The following PDK4 variants were observed in gnomAD, a reference collection of about 807,000 sequenced individuals.
PDK4 encodes the protein pyruvate dehydrogenase kinase 4.
A neutral mutation model predicts 51.7 loss-of-function variants in PDK4; 43 were observed. That is an observed-to-expected ratio of 0.83 (90% CI 0.65 to 1.07). PDK4 has a LOEUF of 1.07. Among genes scored for constraint, PDK4 ranks in the 50% least tolerant of loss-of-function variants. PDK4 has a pLI of 0.00. For missense variants in PDK4, 498 were observed against 503.5 expected, an observed-to-expected ratio of 0.99 and a Z score of 0.10; for synonymous variants, 170 against 176.6, an observed-to-expected ratio of 0.96 and a Z score of 0.30.
chr7:95,595,762 A>G (rs996147683), intron 1 of PDK4, among the ~76,000 whole-genome samples: 2 of 152,252 alleles, frequency 1.3e-5, no homozygotes, highest in African/African-American at 4.8e-5. Flanking sequence ...TGGCTAAGGA[A>G]TAAAATCTGT....
chr7:95,592,764 C>T lies in PDK4; in HGVS notation c.525G>A (p.Gln175=). The change falls in exon 4 of 11, where the codon CAG becomes CAA. Residue 175 remains glutamine (Q), a synonymous_variant. Coordinates refer to ENST00000005178, the MANE Select transcript of PDK4 (RefSeq NM_002612.4). Reference sequence around the variant, plus strand: ...GATCATGATGAGCTAACTTACTGTGCTGGTTCATCAGCATCCGAGTAGAAA... The same window carrying T: ...GATCATGATGAGCTAACTTACTGTGTTGGTTCATCAGCATCCGAGTAGAAA... The part of the protein sequence containing the change: ...NRISTRMLMN[Q]HILIFSDSQT... 1.2e-6 allele frequency: 2 copies of T among 1,609,264 alleles called. No individual in the cohort carries two copies. Among genetic ancestry groups the T allele is most frequent in the Non-Finnish European group, 1.7e-6 (2 of 1,177,094 alleles).
At chr7:95,586,788 A>G (rs913665529) in intron 10 of PDK4, 1 of 420,192 alleles carries the variant, frequency 2.4e-6, no homozygotes, top group Admixed American at 3.7e-5. Context: ...TTAGGAAACA[A>G]TTTTGCTTCA....
chr7:95,589,208 T>A (rs993841344), intron 7 of PDK4, among the ~76,000 whole-genome samples: 1 of 152,224 alleles, frequency 6.6e-6, no homozygotes, highest in Non-Finnish European at 1.5e-5. Flanking sequence ...TTCTGGACTC[T>A]GAATGGAGCC....
chr7:95,587,320 A>G lies in PDK4; in HGVS notation c.981+98T>C, dbSNP rs1791496882. The G allele has an allele frequency of 4.9e-6, 4 of 813,524 alleles. No individual in the cohort carries two copies. The South Asian group carries it at 6.2e-5, about 13-fold the overall frequency. 50.4% of individuals were successfully genotyped at this position (813,524 alleles called of 1,614,324 possible). The stretch of plus-strand genomic sequence containing the variant: ...TCTTATATCCTTCATGTCTAATTTT[A>G]CTTAATTGATGAACTTGTCTAAATA... On this transcript the variant is annotated intron_variant, in intron 9 of 10. Transcript: ENST00000005178.
In PDK4 at chr7:95,585,587, G is replaced by T; in HGVS notation, c.*54C>A. On this transcript the variant is annotated 3_prime_UTR_variant, in exon 11 of 11. Transcript: ENST00000005178. ...GGGTTCACACACAAACATTCAGGAA[G>T]CAGCACTGGTGTAGACCCACTTTGA... 2.0e-6 allele frequency: 3 copies of T among 1,469,128 alleles called. No homozygotes were observed. Among genetic ancestry groups the T allele is most frequent in the Non-Finnish European group, 2.8e-6 (3 of 1,079,150 alleles). The allele number at this position is 1,469,128 out of a possible 1,614,324, so 91.0% of individuals were successfully genotyped here. A position where few individuals can be genotyped will look rare whatever the true frequency, so the allele number is the denominator to read the frequency against.
At position 95,585,601 on chromosome 7, in the gene PDK4, G is replaced by C; in HGVS notation, c.*40C>G. On this transcript the variant is annotated 3_prime_UTR_variant, in exon 11 of 11. Transcript: ENST00000005178. ...ACATTCAGGAAGCAGCACTGGTGTAGACCCACTTTGATCCCGTAAAGTGTC... is the reference window on the plus strand; with the variant it reads ...ACATTCAGGAAGCAGCACTGGTGTACACCCACTTTGATCCCGTAAAGTGTC... 2 of 1,563,866 alleles carry C rather than the reference G, an allele frequency of 1.3e-6. No individual in the cohort carries two copies. Among genetic ancestry groups the C allele is most frequent in the Non-Finnish European group, 1.7e-6 (2 of 1,143,950 alleles).
At position 95,587,779 on chromosome 7, in the gene PDK4, A is replaced by G. The variant is rs1489689530; in HGVS notation, c.818T>C (p.Leu273Pro). The change falls in exon 8 of 11, where the codon CTT becomes CCT. Residue 273 changes from leucine to proline, a missense_variant. By Grantham distance (98) the Leu-to-Pro change is moderately conservative. Coordinates refer to ENST00000005178, the MANE Select transcript of PDK4 (RefSeq NM_002612.4). Reference sequence around the variant, plus strand: ...GACAACAATAACCTCTATTGGTGTAAGGGAAGGCTGATTTTCCTGGTGTTC... The same window carrying G: ...GACAACAATAACCTCTATTGGTGTAGGGGAAGGCTGATTTTCCTGGTGTTC... ...TVEHQENQPS[L>P]TPIEVIVVLG... is the part of the protein sequence containing the mutation. The G allele has an allele frequency of 5.6e-6, 9 of 1,613,524 alleles. No homozygotes were observed. Among genetic ancestry groups the G allele is most frequent in the African/African-American group, 2.7e-5 (2 of 74,924 alleles).
At chr7:95,595,411 T>C (rs967575433) in intron 1 of PDK4, among the ~76,000 whole-genome samples, 1 of 152,220 alleles carries the variant, frequency 6.6e-6, no homozygotes, top group Admixed American at 6.5e-5. Flanking sequence ...TCTTCTCTTT[T>C]TGAAGAGGAT....
At position 95,583,729 on chromosome 7, in the gene PDK4, C is replaced by A. The variant is rs541223405; in HGVS notation, c.*1912G>T. The A allele has an allele frequency of 6.6e-5, 10 of 152,660 alleles. No homozygotes were observed. The South Asian group carries it at 2.1e-3, about 32-fold the overall frequency. 9.5% of individuals were successfully genotyped at this position (152,660 alleles called of 1,614,324 possible). On this transcript the variant is annotated 3_prime_UTR_variant, in exon 11 of 11. Coordinates refer to ENST00000005178, the MANE Select transcript of PDK4 (RefSeq NM_002612.4). ...TGGTGTAATTGAGATACTAACATTTCTTTTTTCTAGTGTTTTAGAGATAGT... is the reference window on the plus strand; with the variant it reads ...TGGTGTAATTGAGATACTAACATTTATTTTTTCTAGTGTTTTAGAGATAGT...
At chr7:95,592,113 G>A in intron 5 of PDK4, 48 bp from the exon 6 acceptor site, 1 of 1,035,668 alleles carries the variant, frequency 9.7e-7, no homozygotes, top group Non-Finnish European at 1.4e-6. Flanking sequence ...TTTATGCCAA[G>A]TACAGTTCTC....
chr7:95,589,726 T>C lies in PDK4; in HGVS notation c.695-10A>G. 2 of 1,406,912 alleles carry C rather than the reference T, an allele frequency of 1.4e-6. No homozygotes were observed. The highest frequency in any genetic ancestry group is 1.4e-5 in the African/African-American group (1 of 70,740). 87.2% of individuals were successfully genotyped at this position (1,406,912 alleles called of 1,614,324 possible). A position where few individuals can be genotyped will look rare whatever the true frequency, so the allele number is the denominator to read the frequency against. ...TGGTCTGGAAATTTTCCTAGAAAAA[T>C]AAAATTCATTAAGAATTTGTAAACA... is the stretch of plus-strand genomic sequence containing the variant. On this transcript the variant is annotated splice_polypyrimidine_tract_variant and intron_variant, in intron 6 of 10. Coordinates refer to ENST00000005178, the MANE Select transcript of PDK4 (RefSeq NM_002612.4).
intron 2 of PDK4, 110 bp downstream of exon 2, chr7:95,594,913 A>T: frequency 1.7e-6 from 1 of 592,768 alleles, no homozygotes; most frequent in Non-Finnish European, 2.8e-6. Context: ...TTTCAAAAGT[A>T]GTTACCATTC....
chr7:95,593,499 A>G (rs1402850160), intron 3 of PDK4, among the ~76,000 whole-genome samples, 200 bp downstream of exon 3: 1 of 152,136 alleles, frequency 6.6e-6, no homozygotes, highest in Non-Finnish European at 1.5e-5. Flanking sequence ...AGTCCTCTAC[A>G]TTTCTTCACA....
chr7:95,586,928 T>C, intron 10 of PDK4, 82 bp downstream of exon 10: 1 of 732,590 alleles, frequency 1.4e-6, no homozygotes, highest in Non-Finnish European at 2.4e-6. Context: ...TTTGGGGAAT[T>C]CACTCCAGAC....
At chr7:95,588,844 T>C (rs775352462) in intron 7 of PDK4, among the ~76,000 whole-genome samples, 2 of 152,258 alleles carry the variant, frequency 1.3e-5, no homozygotes, top group Non-Finnish European at 2.9e-5. Flanking sequence ...TCTTAGCACC[T>C]GGCTGCCTCA....
At position 95,587,432 on chromosome 7, in the gene PDK4, G is replaced by A. The variant is rs149188261; in HGVS notation, c.967C>T (p.Arg323Trp). Reference protein sequence around the residue: ...TAPTPVMDNSRNAPLAGFGYG... With the variant: ...TAPTPVMDNSWNAPLAGFGYG... The stretch of plus-strand genomic sequence containing the variant: ...ATTGTTCTTACCAAAGGAGCATTCC[G>A]GGAATTATCCATCACAGGCGTTGGT... Residue 323 changes from arginine (R) to tryptophan (W), a missense_variant, in exon 9 of 11, where the codon CGG becomes TGG. Coordinates refer to ENST00000005178, the MANE Select transcript of PDK4 (RefSeq NM_002612.4). 4.0e-5 allele frequency: 63 copies of A among 1,594,484 alleles called. No homozygotes were observed. The African/African-American group carries it at 6.8e-4, about 17-fold the overall frequency.
At position 95,587,043 on chromosome 7, in the gene PDK4, T is replaced by C. The variant is rs749091852; in HGVS notation, c.1062A>G (p.Ser354=). The C allele has an allele frequency of 6.2e-7, 1 of 1,604,932 alleles. No individual in the cohort carries two copies. Among genetic ancestry groups the C allele is most frequent in the Admixed American group, 1.7e-5 (1 of 60,004 alleles). Residue 354 remains serine (S), a synonymous_variant, in exon 10 of 11, where the codon TCA becomes TCG. Transcript: ENST00000005178. ...FQGDLNLYSL[S]GYGTDAIIYL... ...AGATGATAGCATCTGTTCCATATCC[T>C]GATAAAGAGTAGAGATTCAGATCTC...
At chr7:95,593,328 T>A (rs1282416611) in intron 3 of PDK4, among the ~76,000 whole-genome samples, 1 of 152,106 alleles carries the variant, frequency 6.6e-6, no homozygotes, top group Non-Finnish European at 1.5e-5. Flanking sequence ...GAAAAGATCC[T>A]TATTTAGGTA....
chr7:95,593,708 G>A lies in PDK4; in HGVS notation c.335C>T (p.Ala112Val). ...AATGCATAGAGCTTACTCTGATAAT[G>A]CTTTCTGGTCATCTGGGCTTTTCTC... is the stretch of plus-strand genomic sequence containing the variant. ...FHEKSPDDQK[A>V]LSDFVDTLIK... is the part of the protein sequence containing the mutation. Residue 112 changes from alanine (A) to valine (V), a missense_variant, in exon 3 of 11, where the codon GCA becomes GTA. Ala to Val is a moderately conservative substitution (Grantham distance 64). Coordinates refer to ENST00000005178, the MANE Select transcript of PDK4 (RefSeq NM_002612.4). 2 of 1,516,046 alleles carry A rather than the reference G, an allele frequency of 1.3e-6. No individual in the cohort carries two copies. Among genetic ancestry groups the A allele is most frequent in the Middle Eastern group, 1.7e-4 (1 of 5,878 alleles). The allele number at this position is 1,516,046 out of a possible 1,614,324, so 93.9% of individuals were successfully genotyped here.
Sources: gnomAD v4.1 joint callset for allele counts (sites outside exome capture counted in the v4.1 genomes callset) on GRCh38, gnomAD v4.1.1 for gene constraint, MANE v1.5 for transcripts, NCBI Gene and HGNC (gene_info 2026-07-23, HGNC 2026-07-21) for gene names.